TNFAIP8: variants seen among roughly 807,000 people sequenced by gnomAD.
TNFAIP8 encodes TNF alpha induced protein 8, also known as tumor necrosis factor alpha-induced protein 8.
A neutral mutation model predicts 13.3 loss-of-function variants in TNFAIP8; 7 were observed. The ratio of observed to expected loss-of-function variants is 0.52; its 90% CI spans 0.30 to 0.99. The LOEUF is 0.99. Among genes scored for constraint, TNFAIP8 ranks in the 50% least tolerant of loss-of-function variants. TNFAIP8 has a pLI of 0.07. For synonymous variants in TNFAIP8, 94 were observed against 87.6 expected, an observed-to-expected ratio of 1.07 and a Z score of -0.41; for missense variants, 258 against 236.9, an observed-to-expected ratio of 1.09 and a Z score of -0.58.
At chr5:119,311,738 G>A (rs553634915) in intron 1 of TNFAIP8, among the ~76,000 whole-genome samples, 131 of 146,678 alleles carry the variant, frequency 8.9e-4, no homozygotes, top group African/African-American at 3.1e-3. Context: ...TCAATGGAAC[G>A]GGCAAATAAG....
chr5:119,269,186 C>G (rs764463466), intron 1 of TNFAIP8, among the ~76,000 whole-genome samples: 12 of 152,310 alleles, frequency 7.9e-5, no homozygotes, highest in Admixed American at 6.5e-5. Context: ...CTATTCAGGG[C>G]GACCTCTTAA....
intron 1 of TNFAIP8, among the ~76,000 whole-genome samples, chr5:119,356,489 A>G (rs958673612): frequency 6.6e-6 from 1 of 152,210 alleles, no homozygotes; most frequent in Non-Finnish European, 1.5e-5. Context: ...TCCCTGGAAG[A>G]GCCCTGAGTG....
At chr5:119,321,556 C>T (rs756537817) in intron 1 of TNFAIP8, among the ~76,000 whole-genome samples, 5 of 152,152 alleles carry the variant, frequency 3.3e-5, no homozygotes, top group African/African-American at 7.2e-5. Flanking sequence ...GTTTGCCTTT[C>T]GTGCATGCAG....
In TNFAIP8 at chr5:119,394,293, G is replaced by T. The variant is rs773448129; in HGVS notation, c.*912G>T. 1.3e-5 allele frequency: 2 copies of T among 152,130 alleles called. No homozygotes were observed. The highest frequency in any genetic ancestry group is 1.3e-4 in the Admixed American group (2 of 15,276). 9.4% of individuals were successfully genotyped at this position (152,130 alleles called of 1,614,324 possible). ...CAATTTAGGGGAATGAGGGGCAAAA[G>T]GGGAGAAATACTGCTAAAGAACATG... On this transcript the variant is annotated 3_prime_UTR_variant, in exon 2 of 2. Coordinates refer to ENST00000504771, the MANE Select transcript of TNFAIP8 (RefSeq NM_014350.4).
At chr5:119,286,184 A>G (rs918549756) in intron 1 of TNFAIP8, among the ~76,000 whole-genome samples, 3 of 152,336 alleles carry the variant, frequency 2.0e-5, no homozygotes, top group Admixed American at 2.0e-4. Flanking sequence ...AAAGGTGGGC[A>G]TTGTCTGGAA....
At chr5:119,322,808 C>T (rs1459311445) in intron 1 of TNFAIP8, among the ~76,000 whole-genome samples, 2 of 152,228 alleles carry the variant, frequency 1.3e-5, no homozygotes, top group East Asian at 1.9e-4. Flanking sequence ...AGATTCTCTA[C>T]ATGCCGGTGC....
intron 1 of TNFAIP8, among the ~76,000 whole-genome samples, chr5:119,285,223 C>T (rs1284537305): frequency 6.6e-6 from 1 of 152,170 alleles, no homozygotes; most frequent in African/African-American, 2.4e-5. Flanking sequence ...CCCCTCTGGG[C>T]CATAATTGGT....
intron 1 of TNFAIP8, among the ~76,000 whole-genome samples, chr5:119,376,232 A>C (rs1340758463): frequency 6.6e-6 from 1 of 151,448 alleles, no homozygotes; most frequent in East Asian, 1.9e-4. Flanking sequence ...CTCCCACCTT[A>C]GCCTCCTGAG....
chr5:119,274,625 A>G (rs1276512073), intron 1 of TNFAIP8, among the ~76,000 whole-genome samples: 2 of 152,200 alleles, frequency 1.3e-5, no homozygotes, highest in African/African-American at 2.4e-5. Flanking sequence ...TGCCTGAAGG[A>G]ACAGGCTGCT....
chr5:119,287,563 T>C (rs570181644), intron 1 of TNFAIP8, among the ~76,000 whole-genome samples: 7 of 152,282 alleles, frequency 4.6e-5, no homozygotes, highest in African/African-American at 1.7e-4. Context: ...CTTACTCATC[T>C]TATAACTGAA....
intron 1 of TNFAIP8, among the ~76,000 whole-genome samples, chr5:119,328,274 A>G (rs559949333): frequency 2.0e-5 from 3 of 152,320 alleles, no homozygotes; most frequent in African/African-American, 7.2e-5. Flanking sequence ...CGGCCTCCCA[A>G]AGTGCTGGGA....
chr5:119,311,044 A>T (rs1749713273), intron 1 of TNFAIP8, among the ~76,000 whole-genome samples: 1 of 152,040 alleles, frequency 6.6e-6, no homozygotes, highest in Non-Finnish European at 1.5e-5. Context: ...ATTTTTTGAG[A>T]CAAGGTCTTG....
At chr5:119,292,338 C>T (rs753822314) in intron 1 of TNFAIP8, among the ~76,000 whole-genome samples, 14 of 151,614 alleles carry the variant, frequency 9.2e-5, no homozygotes, top group African/African-American at 3.4e-4. Flanking sequence ...AAGAATGGGC[C>T]GTACTGGGTT....
intron 1 of TNFAIP8, among the ~76,000 whole-genome samples, chr5:119,319,631 C>G (rs1011698834): frequency 1.9e-4 from 29 of 152,100 alleles, no homozygotes; most frequent in African/African-American, 5.6e-4. Context: ...TGGATTAAGT[C>G]CAACTAGCCT....
At chr5:119,357,704 C>G (rs1751483671) in intron 1 of TNFAIP8, among the ~76,000 whole-genome samples, 1 of 151,720 alleles carries the variant, frequency 6.6e-6, no homozygotes, top group South Asian at 2.1e-4. Context: ...TCTGCTTGTT[C>G]CTCACCTTCC....
intron 1 of TNFAIP8, among the ~76,000 whole-genome samples, chr5:119,292,278 T>A (rs554450897): frequency 2.0e-5 from 3 of 149,916 alleles, no homozygotes; most frequent in Non-Finnish European, 4.4e-5. Context: ...CCAGGAGGAG[T>A]GTTTCTGGGA....
chr5:119,341,923 G>C (rs1182454317), intron 1 of TNFAIP8, among the ~76,000 whole-genome samples: 1 of 151,638 alleles, frequency 6.6e-6, no homozygotes, highest in African/African-American at 2.4e-5. Context: ...GCAGGCATGG[G>C]GTTAGTGGCC....
Position 119,398,320 on chromosome 5 carries a change from T to C in TNFAIP8, c.*4939T>C, listed in dbSNP as rs911065746. ...TTAAAAGTTTTGATTTGTAGAATAA[T>C]GTAAGACAATATGTTTCTTTCTACT... On this transcript the variant is annotated 3_prime_UTR_variant, in exon 2 of 2. Transcript: ENST00000504771. 2 of 152,240 alleles carry C rather than the reference T, an allele frequency of 1.3e-5. No individual in the cohort carries two copies. Among genetic ancestry groups the C allele is most frequent in the African/African-American group, 2.4e-5 (1 of 41,470 alleles). The allele number at this position is 152,240 out of a possible 1,614,324, so 9.4% of individuals were successfully genotyped here.
chr5:119,291,506 T>A (rs951249190), intron 1 of TNFAIP8, among the ~76,000 whole-genome samples: 1 of 152,268 alleles, frequency 6.6e-6, no homozygotes, highest in African/African-American at 2.4e-5. Context: ...ATAATAATTT[T>A]ATTTTTAAAA....
Sources: gnomAD v4.1 joint callset for allele counts (sites outside exome capture counted in the v4.1 genomes callset) on GRCh38, gnomAD v4.1.1 for gene constraint, MANE v1.5 for transcripts, NCBI Gene and HGNC (gene_info 2026-07-23, HGNC 2026-07-21) for gene names.